AGBL1: variants seen among roughly 807,000 people sequenced by gnomAD.
AGBL1 encodes AGBL carboxypeptidase 1, also known as cytosolic carboxypeptidase 4.
Under a neutral mutation model 118.9 loss-of-function variants are expected in AGBL1, and 130 were observed. The observed-to-expected ratio is 1.09, with a 90% CI of 0.95 to 1.26. The LOEUF (loss-of-function observed/expected upper bound fraction) is 1.26, where lower values mean the gene tolerates loss of function less well. AGBL1 is among the 50% of genes most tolerant of loss of function. The probability of loss-of-function intolerance (pLI) is 0.00; values close to 1 mark genes in which losing one functional copy is unlikely to be tolerated. For synonymous variants in AGBL1, 555 were observed against 478.9 expected (o/e 1.16, Z -2.08); for missense variants, 1,584 against 1,298.1 (o/e 1.22, Z -3.38).
At chr15:86,808,645 C>T (rs2078749424) in intron 22 of AGBL1, among the ~76,000 whole-genome samples, 1 of 137,516 alleles carries the variant, frequency 7.3e-6, no homozygotes, top group Non-Finnish European at 1.5e-5. Flanking sequence ...CTTTTCTTTC[C>T]TTCCTTCCCT....
chr15:86,943,762 T>C (rs2141658396), intron 23 of AGBL1, among the ~76,000 whole-genome samples: 1 of 152,350 alleles, frequency 6.6e-6, no homozygotes, highest in South Asian at 2.1e-4. Context: ...ATGCAAGTTT[T>C]AGCTTGCTTA....
chr15:86,560,710 G>T (rs572783465), intron 21 of AGBL1, among the ~76,000 whole-genome samples: 1 of 152,162 alleles, frequency 6.6e-6, no homozygotes, highest in Non-Finnish European at 1.5e-5. Flanking sequence ...TTGAGGAATC[G>T]CCACACTGTC....
chr15:86,687,632 G>A (rs2086083272), intron 22 of AGBL1, among the ~76,000 whole-genome samples: 1 of 152,164 alleles, frequency 6.6e-6, no homozygotes, highest in South Asian at 2.1e-4. Flanking sequence ...CAAAGCAGAA[G>A]TATGAGTGCC....
intron 18 of AGBL1, among the ~76,000 whole-genome samples, chr15:86,474,073 A>C (rs1056735022): frequency 1.3e-5 from 2 of 152,204 alleles, no homozygotes; most frequent in African/African-American, 4.8e-5. Context: ...GACACACACA[A>C]AAAATGAGTA....
intron 23 of AGBL1, among the ~76,000 whole-genome samples, chr15:86,956,124 T>C (rs1008731457): frequency 7.2e-5 from 11 of 151,880 alleles, no homozygotes; most frequent in African/African-American, 2.7e-4. Flanking sequence ...ACTAGGAAAA[T>C]ATATAAGGAA....
intron 1 of AGBL1, among the ~76,000 whole-genome samples, chr15:86,130,853 A>G (rs1392417118): frequency 6.6e-6 from 1 of 152,184 alleles, no homozygotes; most frequent in Non-Finnish European, 1.5e-5. Flanking sequence ...TTTGGAAATA[A>G]GTCATCAGGG....
intron 21 of AGBL1, among the ~76,000 whole-genome samples, chr15:86,564,495 G>T (rs1000894720): frequency 6.6e-6 from 1 of 152,242 alleles, no homozygotes; most frequent in African/African-American, 2.4e-5. Flanking sequence ...TCTGCCGAGA[G>T]ATCTGCTGTT....
chr15:86,694,406 T>C (rs1318185960), intron 22 of AGBL1, among the ~76,000 whole-genome samples: 4 of 152,110 alleles, frequency 2.6e-5, no homozygotes, highest in Non-Finnish European at 5.9e-5. Context: ...TGGTCCTTGT[T>C]GGTGTATAGC....
intron 5 of AGBL1, among the ~76,000 whole-genome samples, chr15:86,193,152 C>T (rs1001457556): frequency 1.3e-4 from 20 of 152,020 alleles, no homozygotes; most frequent in African/African-American, 4.8e-4. Flanking sequence ...ACCCTCTTCA[C>T]CCCAGATGGG....
At chr15:86,347,806 A>G (rs2080562023) in intron 17 of AGBL1, among the ~76,000 whole-genome samples, 1 of 152,216 alleles carries the variant, frequency 6.6e-6, no homozygotes, top group Admixed American at 6.5e-5. Context: ...TCTTAGTAAC[A>G]CTTAGCAAAA....
chr15:86,198,302 C>T (rs1435924792), intron 5 of AGBL1, among the ~76,000 whole-genome samples: 1 of 152,048 alleles, frequency 6.6e-6, no homozygotes, highest in African/African-American at 2.4e-5. Flanking sequence ...GAGAAATTTG[C>T]CTGAGAATAG....
chr15:86,322,339 C>T (rs899403114), intron 17 of AGBL1, among the ~76,000 whole-genome samples: 13 of 151,464 alleles, frequency 8.6e-5, no homozygotes, highest in East Asian at 5.8e-4. Flanking sequence ...ATGTTAGGTG[C>T]GTATAAATTT....
chr15:86,081,457 T>A (rs1343403595), intron 1 of AGBL1, among the ~76,000 whole-genome samples: 2 of 152,232 alleles, frequency 1.3e-5, no homozygotes, highest in East Asian at 3.8e-4. Context: ...GGCTCCTTGA[T>A]GTCAAATGGC....
At chr15:86,918,882 G>C (rs549375927), downstream of AGBL1, among the ~76,000 whole-genome samples, 3 of 152,216 alleles carry the variant, frequency 2.0e-5, no homozygotes, top group South Asian at 2.1e-4. Context: ...TCTGGATTGG[G>C]ATCAGCAGGA....
At chr15:86,743,493 C>T (rs964322441) in intron 22 of AGBL1, among the ~76,000 whole-genome samples, 2 of 152,072 alleles carry the variant, frequency 1.3e-5, no homozygotes, top group Admixed American at 6.6e-5. Flanking sequence ...CCCCTGGTGT[C>T]GGGTTGTGAG....
chr15:86,692,717 T>A (rs565812494), intron 22 of AGBL1, among the ~76,000 whole-genome samples: 7 of 152,248 alleles, frequency 4.6e-5, no homozygotes, highest in Admixed American at 4.6e-4. Flanking sequence ...ACCTGAGCAG[T>A]ATACACGGAA....
chr15:86,755,791 T>G (rs1391508917), intron 22 of AGBL1, among the ~76,000 whole-genome samples: 1 of 152,134 alleles, frequency 6.6e-6, no homozygotes, highest in African/African-American at 2.4e-5. Flanking sequence ...AGCCTTGCAC[T>G]ATTGTTACCT....
At chr15:86,237,339 G>T (rs560183209) in intron 6 of AGBL1, among the ~76,000 whole-genome samples, 1 of 152,172 alleles carries the variant, frequency 6.6e-6, no homozygotes, top group Non-Finnish European at 1.5e-5. Flanking sequence ...ATTCATGAGC[G>T]ATGCTTGCAA....
At position 86,937,193 on chromosome 15, in the gene AGBL1, C is replaced by T. The variant is rs918602685; in HGVS notation, c.3222-50794C>T. Among the ~76,000 whole-genome samples, 75 of 152,216 alleles carry T rather than the reference C, an allele frequency of 4.9e-4. 1 individual carries two copies. The highest frequency in any genetic ancestry group is 1.8e-4 in the Non-Finnish European group (12 of 68,040). ...TTGTGGAGTAACGGGAACACTTATT[C>T]ACTGTTAGTGGGAGTGTAAATTAGT... On this transcript the variant is annotated intron_variant, in intron 23 of 24. Transcript: ENST00000441037.
Sources: gnomAD v4.1 joint callset for allele counts (sites outside exome capture counted in the v4.1 genomes callset) on GRCh38, gnomAD v4.1.1 for gene constraint, MANE v1.5 for transcripts, NCBI Gene and HGNC (gene_info 2026-07-23, HGNC 2026-07-21) for gene names.